The following CPEB3 variants were observed in gnomAD, a reference collection of about 807,000 sequenced individuals.
The protein encoded by CPEB3 is cytoplasmic polyadenylation element-binding protein 3.
CPEB3 carries 20 observed loss-of-function variants against 67.2 expected under a neutral mutation model. The observed-to-expected ratio is 0.30, with a 90% CI of 0.21 to 0.43. The LOEUF is 0.43. Among genes scored for constraint, CPEB3 ranks in the 20% least tolerant of loss-of-function variants. The probability of loss-of-function intolerance (pLI) is 1.00; values close to 1 mark genes in which losing one functional copy is unlikely to be tolerated. For missense variants in CPEB3, 746 were observed against 968.6 expected, an observed-to-expected ratio of 0.77 and a Z score of 3.05; for synonymous variants, 376 against 393.1, an observed-to-expected ratio of 0.96 and a Z score of 0.51.
At chr10:92,228,718 A>ATT (rs59272265) in intron 2 of CPEB3, among the ~76,000 whole-genome samples, 1,497 of 144,246 alleles carry the variant, frequency 0.01, 17 homozygotes, top group African/African-American at 0.036. Flanking sequence ...ATATATATAC[A>ATT]TTTTTTTTTT....
intron 9 of CPEB3, among the ~76,000 whole-genome samples, chr10:92,056,525 C>A (rs1489685835): frequency 1.3e-5 from 2 of 152,128 alleles, no homozygotes; most frequent in Non-Finnish European, 2.9e-5. Context: ...CCCGAATCAC[C>A]ACACATTTAA....
intron 8 of CPEB3, 127 bp downstream of exon 8, chr10:92,091,703 T>C: frequency 1.7e-6 from 1 of 575,704 alleles, no homozygotes; most frequent in Non-Finnish European, 3.0e-6. Context: ...TCAGTGAAAA[T>C]GATGACAGCC....
intron 4 of CPEB3, among the ~76,000 whole-genome samples, chr10:92,178,138 T>C (rs1848304828): frequency 6.6e-6 from 1 of 152,060 alleles, no homozygotes; most frequent in Admixed American, 6.6e-5. Flanking sequence ...GTTTCAGGAT[T>C]TGTTACTTCT....
chr10:92,168,933 T>A (rs1282742073), intron 4 of CPEB3, among the ~76,000 whole-genome samples: 1 of 150,974 alleles, frequency 6.6e-6, no homozygotes, highest in South Asian at 2.1e-4. Flanking sequence ...ACAGCTGGGA[T>A]TACAGGTGCA....
At chr10:92,118,601 C>T (rs1433026028) in intron 6 of CPEB3, 6 of 393,444 alleles carry the variant, frequency 1.5e-5, no homozygotes, top group African/African-American at 1.2e-4. Context: ...GCCTAGGGAA[C>T]TGTCTAAATT....
chr10:92,178,469 T>C (rs1280162087), intron 4 of CPEB3, among the ~76,000 whole-genome samples: 2 of 152,124 alleles, frequency 1.3e-5, no homozygotes, highest in African/African-American at 4.8e-5. Context: ...ATCTCAATTA[T>C]TCCTACATGA....
chr10:92,172,767 G>A (rs1310207521), intron 4 of CPEB3, among the ~76,000 whole-genome samples: 2 of 152,196 alleles, frequency 1.3e-5, no homozygotes, highest in African/African-American at 4.8e-5. Context: ...TAAGAAAATA[G>A]TCCTGGGGTA....
At chr10:92,072,823 C>T (rs1454647990) in intron 9 of CPEB3, among the ~76,000 whole-genome samples, 3 of 152,232 alleles carry the variant, frequency 2.0e-5, no homozygotes, top group Admixed American at 6.5e-5. Context: ...CTGTTACGCA[C>T]GAGTGTAACA....
intron 7 of CPEB3, among the ~76,000 whole-genome samples, chr10:92,103,857 C>T (rs553485899): frequency 7.9e-5 from 12 of 152,294 alleles, no homozygotes; most frequent in Non-Finnish European, 1.6e-4. Flanking sequence ...TAAATGTGAA[C>T]TTTCAGCTCC....
At chr10:92,167,311 A>G (rs1470247423) in intron 4 of CPEB3, among the ~76,000 whole-genome samples, 1 of 152,198 alleles carries the variant, frequency 6.6e-6, no homozygotes, top group Non-Finnish European at 1.5e-5. Flanking sequence ...TAACTAGCAC[A>G]AGAGGCCTAG....
intron 7 of CPEB3, among the ~76,000 whole-genome samples, chr10:92,092,281 T>A (rs1448501152): frequency 4.6e-5 from 7 of 152,216 alleles, no homozygotes; most frequent in African/African-American, 1.7e-4. Context: ...TGATAGAGAC[T>A]GTTTACAACG....
chr10:92,224,896 AATAT>A (rs955014972), intron 2 of CPEB3, among the ~76,000 whole-genome samples: 1 of 147,674 alleles, frequency 6.8e-6, no homozygotes, highest in African/African-American at 2.5e-5. Context: ...TAAATTTAAA[AATAT>A]ATATATTTTA....
chr10:92,202,823 G>A (rs1456114410), intron 2 of CPEB3, among the ~76,000 whole-genome samples: 2 of 151,690 alleles, frequency 1.3e-5, no homozygotes, highest in Non-Finnish European at 2.9e-5. Flanking sequence ...ACACAATTTA[G>A]TCATTATACT....
intron 2 of CPEB3, among the ~76,000 whole-genome samples, chr10:92,232,047 A>AGCATAATTTTT (rs1851294490): frequency 6.7e-6 from 1 of 149,270 alleles, no homozygotes; most frequent in African/African-American, 2.5e-5. Context: ...CAGTAAACAA[A>AGCATAATTTTT]GCATAATTTT....
chr10:92,228,707 T>C (rs1590454527), intron 2 of CPEB3, among the ~76,000 whole-genome samples: 1 of 150,954 alleles, frequency 6.6e-6, no homozygotes, highest in South Asian at 2.1e-4. Flanking sequence ...CGAATTTATA[T>C]ATATATATAC....
chr10:92,139,791 T>G (rs990636339), intron 6 of CPEB3, among the ~76,000 whole-genome samples: 1 of 152,068 alleles, frequency 6.6e-6, no homozygotes, highest in African/African-American at 2.4e-5. Flanking sequence ...TCAAAATATC[T>G]CAGCTGGGCA....
intron 6 of CPEB3, among the ~76,000 whole-genome samples, chr10:92,132,310 T>C (rs895466791): frequency 2.0e-5 from 3 of 152,146 alleles, no homozygotes; most frequent in Non-Finnish European, 4.4e-5. Flanking sequence ...CTGGGGGATC[T>C]GTCAAGCTAC....
intron 4 of CPEB3, among the ~76,000 whole-genome samples, chr10:92,155,802 T>C (rs1311351199): frequency 6.6e-6 from 1 of 152,286 alleles, no homozygotes; most frequent in South Asian, 2.1e-4. Context: ...ATCGTGACTT[T>C]TGAGAACAAT....
intron 1 of CPEB3, among the ~76,000 whole-genome samples, chr10:92,240,818 A>C (rs1490450639): frequency 3.3e-5 from 5 of 152,078 alleles, no homozygotes. Flanking sequence ...GACACCGCAC[A>C]CACGACCCTT....
Sources: allele counts gnomAD v4.1 joint callset (sites outside exome capture counted in the v4.1 genomes callset), GRCh38; gene constraint gnomAD v4.1.1; transcripts MANE v1.5; gene names NCBI Gene and HGNC (gene_info 2026-07-23, HGNC 2026-07-21).